Variants in PCDHA11 observed in about 807,000 individuals in gnomAD.
The protein encoded by PCDHA11 is protocadherin alpha-11.
Under a neutral mutation model 70.3 loss-of-function variants are expected in PCDHA11, and 61 were observed. The observed-to-expected ratio is 0.87, with a 90% CI of 0.71 to 1.07. The LOEUF (loss-of-function observed/expected upper bound fraction) is 1.07, where lower values mean the gene tolerates loss of function less well. PCDHA11 is among the 50% of genes least tolerant of loss of function. PCDHA11 has a pLI of 0.00. For synonymous variants in PCDHA11, 633 were observed against 555.1 expected, an observed-to-expected ratio of 1.14 and a Z score of -1.97; for missense variants, 1,324 against 1,237.5, an observed-to-expected ratio of 1.07 and a Z score of -1.05.
intron 1 of PCDHA11, among the ~76,000 whole-genome samples, chr5:140,880,921 T>C (rs187033233): frequency 6.6e-6 from 1 of 152,272 alleles, no homozygotes; most frequent in East Asian, 1.9e-4. Context: ...AGAAATACTA[T>C]GTTAGTAAAA....
At chr5:140,888,048 A>G (rs534072281) in intron 1 of PCDHA11, among the ~76,000 whole-genome samples, 40 of 152,296 alleles carry the variant, frequency 2.6e-4, no homozygotes, top group African/African-American at 9.4e-4. Context: ...TGTATAATAG[A>G]TGTTTTAACT....
At chr5:140,904,858 CTGTT>C (rs1335177457) in intron 1 of PCDHA11, among the ~76,000 whole-genome samples, 1 of 152,072 alleles carries the variant, frequency 6.6e-6, no homozygotes, top group Non-Finnish European at 1.5e-5. Context: ...TGAGAATTGT[CTGTT>C]TATGTCCTTA....
chr5:141,006,646 A>G (rs1478861419), intron 3 of PCDHA11, among the ~76,000 whole-genome samples: 1 of 152,206 alleles, frequency 6.6e-6, no homozygotes, highest in African/African-American at 2.4e-5. Flanking sequence ...ATAAGAGATG[A>G]TGGTGTCCTG....
chr5:140,928,217 C>T, intron 1 of PCDHA11: 2 of 1,614,212 alleles, frequency 1.2e-6, no homozygotes, highest in Non-Finnish European at 1.7e-6. Flanking sequence ...AATGACAATA[C>T]ACCAAACTTT....
At chr5:140,880,630 C>T (rs2058401400) in intron 1 of PCDHA11, among the ~76,000 whole-genome samples, 2 of 152,122 alleles carry the variant, frequency 1.3e-5, no homozygotes, top group Admixed American at 1.3e-4. Context: ...AGTTAATTAT[C>T]AATTCACTTG....
At chr5:140,877,585 T>A (rs2057227188) in intron 1 of PCDHA11, 1 of 1,613,836 alleles carries the variant, frequency 6.2e-7, no homozygotes, top group Non-Finnish European at 8.5e-7. Flanking sequence ...CATCGCCATC[T>A]GTGCGGTGTC....
At chr5:140,927,174 C>G (rs782406584) in intron 1 of PCDHA11, 2 of 1,614,186 alleles carry the variant, frequency 1.2e-6, no homozygotes, top group Non-Finnish European at 8.5e-7. Context: ...CTGCCTGCGT[C>G]TTGACCTACG....
chr5:140,949,639 T>C (rs1563239072), intron 1 of PCDHA11, among the ~76,000 whole-genome samples: 1 of 152,036 alleles, frequency 6.6e-6, no homozygotes, highest in East Asian at 1.9e-4. Flanking sequence ...ATATTGCTTT[T>C]TGTTCATTTT....
At position 141,011,407 on chromosome 5, in the gene PCDHA11, G is replaced by A. The variant is rs782613069; in HGVS notation, c.*1470G>A. On this transcript the variant is annotated 3_prime_UTR_variant, in exon 4 of 4. Coordinates refer to ENST00000398640, the MANE Select transcript of PCDHA11 (RefSeq NM_018902.5). ...TGAAATATACTTACTCTGTGCTTGT[G>A]TATGTGAATGTTAATGCAACTATTA... is the stretch of plus-strand genomic sequence containing the variant. The A allele has an allele frequency of 2.0e-5, 3 of 153,718 alleles. No individual in the cohort carries two copies. The highest frequency in any genetic ancestry group is 6.5e-5 in the Admixed American group (1 of 15,284). The allele number at this position is 153,718 out of a possible 1,614,324, so 9.5% of individuals were successfully genotyped here.
At chr5:140,990,097 T>C (rs2097373826) in intron 3 of PCDHA11, among the ~76,000 whole-genome samples, 1 of 151,922 alleles carries the variant, frequency 6.6e-6, no homozygotes, top group African/African-American at 2.4e-5. Flanking sequence ...GTGCTACTAT[T>C]GAAACAGGAA....
chr5:140,886,129 A>G (rs1428853250), intron 1 of PCDHA11, among the ~76,000 whole-genome samples: 1 of 152,224 alleles, frequency 6.6e-6, no homozygotes, highest in Non-Finnish European at 1.5e-5. Flanking sequence ...TTCCGTAACA[A>G]CCAGATTCTT....
intron 1 of PCDHA11, among the ~76,000 whole-genome samples, chr5:140,937,861 G>A (rs1159207693): frequency 6.6e-6 from 1 of 150,994 alleles, no homozygotes; most frequent in African/African-American, 2.4e-5. Context: ...GGAGTGAGCC[G>A]AGATCGCGCC....
chr5:140,902,637 C>T (rs1554190530), intron 1 of PCDHA11, among the ~76,000 whole-genome samples: 1 of 151,910 alleles, frequency 6.6e-6, no homozygotes, highest in Non-Finnish European at 1.5e-5. Context: ...GTGGTGATTT[C>T]TGAGATTTTG....
intron 1 of PCDHA11, chr5:140,883,182 A>G (rs2059477264): frequency 6.2e-7 from 1 of 1,614,024 alleles, no homozygotes; most frequent in Non-Finnish European, 8.5e-7. Context: ...ATTAGGACAA[A>G]AGGCAAACTA....
chr5:140,883,091 G>A lies in PCDHA11; in HGVS notation c.2391+11597G>A, dbSNP rs782433695. The A allele has an allele frequency of 1.9e-6, 3 of 1,613,994 alleles. No individual in the cohort carries two copies. In the African/African-American group the frequency reaches 4.0e-5, roughly 22 times the overall value. ...CACAGATCCTGATGATGGTACAAAT[G>A]GAGATATAGTTTACTCATTTAGAAG... On this transcript the variant is annotated intron_variant, in intron 1 of 3. Coordinates refer to ENST00000398640, the MANE Select transcript of PCDHA11 (RefSeq NM_018902.5).
chr5:140,971,970 A>C (rs2096510217), intron 1 of PCDHA11, among the ~76,000 whole-genome samples: 1 of 152,130 alleles, frequency 6.6e-6, no homozygotes, highest in Non-Finnish European at 1.5e-5. Flanking sequence ...TTTTTTCAAT[A>C]CTATGAGTAG....
At chr5:140,924,812 T>G (rs947021976) in intron 1 of PCDHA11, among the ~76,000 whole-genome samples, 2 of 151,424 alleles carry the variant, frequency 1.3e-5, no homozygotes, top group African/African-American at 4.9e-5. Flanking sequence ...AGAGAATCGC[T>G]TGAACCTGGG....
intron 3 of PCDHA11, among the ~76,000 whole-genome samples, chr5:140,996,637 G>A (rs2097735642): frequency 6.6e-6 from 1 of 152,190 alleles, no homozygotes; most frequent in Admixed American, 6.5e-5. Flanking sequence ...TGCAAATTAT[G>A]TAGTTAATCC....
chr5:140,984,964 G>C (rs930753325), intron 3 of PCDHA11, among the ~76,000 whole-genome samples: 1 of 151,818 alleles, frequency 6.6e-6, no homozygotes, highest in Non-Finnish European at 1.5e-5. Context: ...TTGAGACAGA[G>C]TCTCGCTCTG....
Sources: gnomAD v4.1 joint callset for allele counts (sites outside exome capture counted in the v4.1 genomes callset) on GRCh38, gnomAD v4.1.1 for gene constraint, MANE v1.5 for transcripts, NCBI Gene and HGNC (gene_info 2026-07-23, HGNC 2026-07-21) for gene names.